Variants in ADCY4 observed in about 807,000 individuals in gnomAD.
ADCY4 encodes adenylate cyclase 4, also known as adenylate cyclase type 4.
Under a neutral mutation model 125.5 loss-of-function variants are expected in ADCY4, and 111 were observed. The ratio of observed to expected loss-of-function variants is 0.88; its 90% CI spans 0.76 to 1.04. The LOEUF is 1.04. Ranked by LOEUF, ADCY4 falls within the 50% of genes least tolerant of loss-of-function variation. The pLI is 0.00. For missense variants in ADCY4, 1,256 were observed against 1,382.9 expected, an observed-to-expected ratio of 0.91 and a Z score of 1.46; for synonymous variants, 576 against 586.9, an observed-to-expected ratio of 0.98 and a Z score of 0.27.
rs769743851 is a variant in ADCY4, at chr14:24,319,714, G to A, written c.2733+28C>T. ...GGAAAATTCTAGAATCTAGGACATA[G>A]GGTCTGGGAGACTCTTGGAATTTTC... is the stretch of plus-strand genomic sequence containing the variant. On this transcript the variant is annotated intron_variant, in intron 21 of 24. Transcript: ENST00000418030. This position sits in a 1 kb window ranked among gnomAD's most constrained non-coding sequence, Gnocchi z 4.5. 3.7e-6 allele frequency: 6 copies of A among 1,613,720 alleles called. No individual in the cohort carries two copies. The East Asian group carries it at 1.3e-4, about 36-fold the overall frequency.
In ADCY4 at chr14:24,318,382, T is replaced by C. The variant is rs3181385; in HGVS notation, c.*34A>G. 0.059 allele frequency: 95,554 copies of C among 1,607,068 alleles called. 3,266 individuals are homozygous for C. Among genetic ancestry groups the C allele is most frequent in the South Asian group, 0.099 (8,947 of 90,344 alleles). On this transcript the variant is annotated 3_prime_UTR_variant, in exon 25 of 25. Coordinates refer to ENST00000418030, the MANE Select transcript of ADCY4 (RefSeq NM_001198568.2). ...AATGGGCTCCAGACACCCCAGAGTC[T>C]CTTTATTGAGGTTCTTAGAAGGCGA...
intron 1 of ADCY4, 69 bp from the exon 2 acceptor site, chr14:24,333,057 A>G (rs8003158): frequency 1 from 1,449,763 of 1,452,348 alleles, 723,645 homozygotes; most frequent in East Asian, 1. Flanking sequence ...AGGAAAAGCC[A>G]GCAGCCCAGC....
At position 24,331,671 on chromosome 14, in the gene ADCY4, G is replaced by A. The variant is rs975022221; in HGVS notation, c.669+117C>T. The A allele has an allele frequency of 5.9e-6, 8 of 1,354,360 alleles. No homozygotes were observed. The Admixed American group carries it at 2.4e-4, about 41-fold the overall frequency. 83.9% of individuals were successfully genotyped at this position (1,354,360 alleles called of 1,614,324 possible). A position where few individuals can be genotyped will look rare whatever the true frequency, so the allele number is the denominator to read the frequency against. ...GGCAATACCCACATTTTATACAAAA[G>A]AGGAAACAGGTCAAGAAACCTGCCC... On this transcript the variant is annotated intron_variant, in intron 4 of 24. Transcript: ENST00000418030.
intron 1 of ADCY4, among the ~76,000 whole-genome samples, 179 bp from the exon 2 acceptor site, chr14:24,333,167 C>T (rs1261007725): frequency 6.8e-6 from 1 of 146,842 alleles, no homozygotes; most frequent in African/African-American, 2.4e-5. Context: ...TTTGAAATTG[C>T]TTGTGTCCTA....
intron 10 of ADCY4, among the ~76,000 whole-genome samples, chr14:24,327,774 A>C (rs1381728140): frequency 1.3e-5 from 2 of 152,192 alleles, no homozygotes; most frequent in South Asian, 2.1e-4. Flanking sequence ...TCCTGAGTAG[A>C]GGCTGGGGAG....
chr14:24,318,921 A>G, intron 23 of ADCY4, 143 bp from the exon 24 acceptor site: 1 of 1,425,182 alleles, frequency 7.0e-7, no homozygotes, highest in Admixed American at 2.0e-5. Flanking sequence ...GTAGCTTAAG[A>G]AAAAGAGTGG....
chr14:24,326,589 G>A (rs2041949209), intron 10 of ADCY4: 1 of 413,918 alleles, frequency 2.4e-6, no homozygotes, highest in Non-Finnish European at 4.5e-6. Flanking sequence ...GTGTGTGTGT[G>A]TGTGTGTGTG....
chr14:24,325,763 G>C lies in ADCY4; in HGVS notation c.1725+55C>G, dbSNP rs1022007736. On this transcript the variant is annotated intron_variant, in intron 13 of 24. Transcript: ENST00000418030. Reference sequence around the variant, plus strand: ...AGACCCAAGGGCTGACCCCTCCCCAGCACCAAGGAACTAAAGTTGGGAAGT... The same window carrying C: ...AGACCCAAGGGCTGACCCCTCCCCACCACCAAGGAACTAAAGTTGGGAAGT... The C allele has an allele frequency of 1.9e-6, 3 of 1,556,442 alleles. No homozygotes were observed. The East Asian group carries it at 7.1e-5, about 37-fold the overall frequency.
chr14:24,326,464 T>G (rs1394737906), intron 10 of ADCY4, 122 bp from the exon 11 acceptor site: 2 of 1,178,416 alleles, frequency 1.7e-6, no homozygotes, highest in Non-Finnish European at 2.5e-6. Flanking sequence ...CTGGGCTCTT[T>G]CTTTTGCCTC....
intron 4 of ADCY4, 138 bp downstream of exon 4, chr14:24,331,650 A>G (rs2042042908): frequency 3.1e-6 from 4 of 1,274,958 alleles, no homozygotes; most frequent in Non-Finnish European, 4.2e-6. Flanking sequence ...AAGATGGGCA[A>G]TACCCACATT....
chr14:24,318,885 G>A (rs2041810308), intron 23 of ADCY4, 107 bp from the exon 24 acceptor site: 1 of 1,521,704 alleles, frequency 6.6e-7, no homozygotes, highest in Non-Finnish European at 9.0e-7. Flanking sequence ...TAGAGGAGAG[G>A]AGGGGTCTCT....
chr14:24,321,144 G>A lies in ADCY4; in HGVS notation c.2586+922C>T, dbSNP rs890742652. On this transcript the variant is annotated intron_variant, in intron 20 of 24. Coordinates refer to ENST00000418030, the MANE Select transcript of ADCY4 (RefSeq NM_001198568.2). ...AAGTAATTACTTTTAGGCCGGGTGC[G>A]GTGCGCCTGTAATCTCAGCATTTTG... is the stretch of plus-strand genomic sequence containing the variant. Among the ~76,000 whole-genome samples the A allele has an allele frequency of 2.0e-5, 3 of 149,220 alleles. 1 individual carries two copies. Among genetic ancestry groups the A allele is most frequent in the South Asian group, 4.2e-4 (2 of 4,728 alleles).
chr14:24,320,876 A>C (rs1400904103), intron 20 of ADCY4, among the ~76,000 whole-genome samples: 1 of 152,092 alleles, frequency 6.6e-6, no homozygotes, highest in Non-Finnish European at 1.5e-5. Context: ...CATATGGCTA[A>C]TGGCTACCAT....
chr14:24,331,342 C>T lies in ADCY4; in HGVS notation c.684G>A (p.Leu228=). The change falls in exon 5 of 25, where the codon TTG becomes TTA. Residue 228 remains leucine (L), a synonymous_variant. Transcript: ENST00000418030. ...GGGCCAGGTAGGCAGGAAGGATGGA[C>T]AAGAGAAGGTGTTCCTGGAAGAGGT... ...TEKKHQEHLL[L]SILPAYLARE... 6.2e-7 allele frequency: 1 copy of T among 1,613,990 alleles called. No homozygotes were observed. The highest frequency in any genetic ancestry group is 1.7e-5 in the Admixed American group (1 of 60,022).
chr14:24,329,570 G>A, intron 8 of ADCY4, 37 bp from the exon 9 acceptor site: 2 of 1,503,190 alleles, frequency 1.3e-6, no homozygotes, highest in Non-Finnish European at 1.8e-6. Context: ...AGCAGGGAGG[G>A]CCTTCAAATC....
intron 10 of ADCY4, chr14:24,328,486 T>C (rs571822114): frequency 7.4e-4 from 116 of 155,756 alleles, no homozygotes; most frequent in Non-Finnish European, 1.4e-3. Flanking sequence ...GAAATAATGG[T>C]GTAAGCTGTC....
rs1292479726 is a variant in ADCY4, at chr14:24,334,592, A to G, written c.61T>C (p.Tyr21His). The change falls in exon 1 of 25, where the codon TAC (tyrosine) becomes CAC (histidine). Residue 21 changes from tyrosine to histidine, a missense_variant. Physicochemically the swap from Tyr to His is moderately conservative, Grantham distance 83. Coordinates refer to ENST00000418030, the MANE Select transcript of ADCY4 (RefSeq NM_001198568.2). Reference sequence around the variant, plus strand: ...AGCGGGTACTGCTGGCTCAGGCTGTAGTAGGTCTCGTAGAAGAGGTCTTCG... The same window carrying G: ...AGCGGGTACTGCTGGCTCAGGCTGTGGTAGGTCTCGTAGAAGAGGTCTTCG... ...PSEDLFYETYYSLSQQYPLLL... is the reference protein window; with the variant it reads ...PSEDLFYETYHSLSQQYPLLL... 4 of 1,571,130 alleles carry G rather than the reference A, an allele frequency of 2.5e-6. No individual in the cohort carries two copies. The highest frequency in any genetic ancestry group is 3.4e-6 in the Non-Finnish European group (4 of 1,160,604).
chr14:24,330,111 G>A (rs2139219837), intron 7 of ADCY4, 57 bp downstream of exon 7: 2 of 1,600,332 alleles, frequency 1.2e-6, no homozygotes, highest in South Asian at 2.2e-5. Context: ...TCTGTCAGCT[G>A]CCTGCTGCCC....
intron 23 of ADCY4, 158 bp from the exon 24 acceptor site, chr14:24,318,936 G>A: frequency 2.2e-6 from 3 of 1,386,440 alleles, no homozygotes; most frequent in African/African-American, 1.4e-5. Context: ...GAGTGGGAGA[G>A]CCTCGTACCT....
Sources: allele counts gnomAD v4.1 joint callset (sites outside exome capture counted in the v4.1 genomes callset), GRCh38; gene constraint gnomAD v4.1.1; non-coding constraint Gnocchi (gnomAD v3.1); transcripts MANE v1.5; gene names NCBI Gene and HGNC (gene_info 2026-07-23, HGNC 2026-07-21).